Variants in LPA observed in about 807,000 individuals in gnomAD.
The protein encoded by LPA is apolipoprotein(a).
In LPA, 199 loss-of-function variants were observed where a neutral mutation model predicts 197.9. The ratio of observed to expected loss-of-function variants is 1.01; its 90% CI spans 0.90 to 1.13. LPA has a LOEUF of 1.13. Among genes scored for constraint, LPA ranks in the 50% most tolerant of loss-of-function variants. LPA has a pLI of 0.00. For missense variants in LPA, 1,853 were observed against 1,785.8 expected, an observed-to-expected ratio of 1.04 and a Z score of -0.68; for synonymous variants, 715 against 639.5, an observed-to-expected ratio of 1.12 and a Z score of -1.78.
chr6:160,548,431 C>A, intron 31 of LPA, 47 bp downstream of exon 31: 1 of 1,589,162 alleles, frequency 6.3e-7, no homozygotes, highest in Non-Finnish European at 8.6e-7. Context: ...GTTGTCCAAG[C>A]ACATAGAGAG....
chr6:160,546,905 C>T (rs1462733121), intron 32 of LPA, among the ~76,000 whole-genome samples: 1 of 152,192 alleles, frequency 6.6e-6, no homozygotes, highest in East Asian at 1.9e-4. Flanking sequence ...AGGGAAGTCT[C>T]ATGGTGACCT....
chr6:160,581,137 T>C lies in LPA; in HGVS notation c.4290-2433A>G, dbSNP rs544271229. ...AGCGTCACATTTGTTATAGTTTTTT[T>C]CTATGGCTATCCAGTTGTTTCAGAC... On this transcript the variant is annotated intron_variant, in intron 26 of 38. Coordinates refer to ENST00000316300, the MANE Select transcript of LPA (RefSeq NM_005577.4). Among the ~76,000 whole-genome samples, 256 of 152,302 alleles carry C rather than the reference T, an allele frequency of 1.7e-3. 1 individual carries two copies. Among genetic ancestry groups the C allele is most frequent in the African/African-American group, 5.7e-3 (238 of 41,576 alleles).
At chr6:160,663,387 G>A (rs73782415) in intron 1 of LPA, among the ~76,000 whole-genome samples, 1,785 of 152,216 alleles carry the variant, frequency 0.012, 37 homozygotes, top group African/African-American at 0.041. Flanking sequence ...ATTTGGTCAC[G>A]AGACAAATAA....
At position 160,557,454 on chromosome 6, in the gene LPA, T is replaced by G. The variant is rs572818292; in HGVS notation, c.4749A>C (p.Glu1583Asp). The change falls in exon 29 of 39, where the codon GAA (glutamate) becomes GAC (aspartate). Residue 1583 changes from glutamate to aspartate, a missense_variant. Physicochemically the swap from Glu to Asp is conservative, Grantham distance 45. Transcript: ENST00000316300. ...YCNLTQCSET[E>D]SGVLETPTVV... ...CAGTGGGAGTCTCTAGGACACCTGA[T>G]TCTGTTTCTGAGCATTGTGTCAGAT... 1.2e-5 allele frequency: 19 copies of G among 1,614,182 alleles called. No individual in the cohort carries two copies. The highest frequency in any genetic ancestry group is 1.3e-5 in the Non-Finnish European group (15 of 1,180,024).
chr6:160,576,564 A>T (rs1778683047), intron 28 of LPA, among the ~76,000 whole-genome samples: 1 of 145,390 alleles, frequency 6.9e-6, no homozygotes, highest in South Asian at 2.1e-4. Context: ...AAACAATATA[A>T]TTTTTAATGA....
At position 160,610,985 on chromosome 6, in the gene LPA, C is replaced by G. The variant is rs146285881; in HGVS notation, c.2603+577G>C. Among the ~76,000 whole-genome samples the G allele has an allele frequency of 3.3e-5, 5 of 152,274 alleles. No individual in the cohort carries two copies. The East Asian group carries it at 9.7e-4, about 29-fold the overall frequency. Reference sequence around the variant, plus strand: ...CCATCTACCCATCCCTTTTACTTTTCAGCATCCCTCTCTGTGCTGACTCTC... The same window carrying G: ...CCATCTACCCATCCCTTTTACTTTTGAGCATCCCTCTCTGTGCTGACTCTC... On this transcript the variant is annotated intron_variant, in intron 16 of 38. Transcript: ENST00000316300.
rs375076325 is a variant in LPA, at chr6:160,592,128, T to C, written c.3630-1027A>G. 3.5e-4 allele frequency among the ~76,000 whole-genome samples: 54 copies of C among 152,308 alleles called. 1 individual carries two copies. The highest frequency in any genetic ancestry group is 1.5e-3 in the East Asian group (8 of 5,186). On this transcript the variant is annotated intron_variant, in intron 22 of 38. Transcript: ENST00000316300. ...AACTTCTGTCACATTATCTTTTTCC[T>C]CTCTTTCTGTGACTTGCCTAACACA...
rs372597108 is a variant in LPA at position 160,541,158 on chromosome 6, C to A, written c.5543G>T (p.Gly1848Val). 291 of 1,613,998 alleles carry A rather than the reference C, an allele frequency of 1.8e-4. 1 individual carries two copies. Among genetic ancestry groups the A allele is most frequent in the Non-Finnish European group, 9.0e-5 (106 of 1,179,876 alleles). The change falls in exon 35 of 39, where the codon GGC (glycine) becomes GTC (valine). Residue 1848 changes from glycine to valine, a missense_variant. Gly to Val is a moderately radical substitution (Grantham distance 109, BLOSUM62 -3). Around this residue, in one of 3 missense-constraint regions of LPA, gnomAD observed 1,737 missense variants for 1,504.4 expected, o/e 1.15. Coordinates refer to ENST00000316300, the MANE Select transcript of LPA (RefSeq NM_005577.4). ...CACCCACTCTGGGGATATTAAGGTG[C>A]CTCCACAGAAGTGCTTTCCAAACCT... is the stretch of plus-strand genomic sequence containing the variant. Reference protein sequence around the residue: ...RTRFGKHFCGGTLISPEWVLT... With the variant: ...RTRFGKHFCGVTLISPEWVLT...
chr6:160,632,330 TG>T (rs1331725568), intron 8 of LPA, among the ~76,000 whole-genome samples: 1 of 95,570 alleles, frequency 1.0e-5, no homozygotes, highest in Non-Finnish European at 2.0e-5. Flanking sequence ...TTCCTGGTCA[TG>T]GGTCACACGA....
Position 160,537,857 on chromosome 6 carries a change from T to C in LPA, c.5840A>G (p.Gln1947Arg). Reference sequence around the variant, plus strand: ...GTGGGCAATGGAATTGATCTCACCTTGGGTTTCTCCCCAGCCAGTGATGTA... The same window carrying C: ...GTGGGCAATGGAATTGATCTCACCTCGGGTTTCTCCCCAGCCAGTGATGTA... ...ECYITGWGET[Q>R]GTFGTGLLKE... The change falls in exon 37 of 39, where the codon CAA becomes CGA. Residue 1947 changes from glutamine (Q) to arginine (R), a missense_variant and splice_region_variant. Gln to Arg is a conservative substitution (Grantham distance 43). Coordinates refer to ENST00000316300, the MANE Select transcript of LPA (RefSeq NM_005577.4). 4 of 1,613,902 alleles carry C rather than the reference T, an allele frequency of 2.5e-6. No individual in the cohort carries two copies. The highest frequency in any genetic ancestry group is 3.4e-6 in the Non-Finnish European group (4 of 1,179,774).
At position 160,651,357 on chromosome 6, in the gene LPA, T is replaced by C. The variant is rs1177831098; in HGVS notation, c.50-860A>G. ...TGCAGTGACTGCTAAAATCTAATAA[T>C]AGATAGGAACACTGAGAAAATTCTT... On this transcript the variant is annotated intron_variant, in intron 1 of 38. Transcript: ENST00000316300. Among the ~76,000 whole-genome samples, 4 of 152,136 alleles carry C rather than the reference T, an allele frequency of 2.6e-5. No homozygotes were observed. The East Asian group carries it at 7.7e-4, about 29-fold the overall frequency.
At chr6:160,534,048 T>G (rs1398854210) in intron 37 of LPA, among the ~76,000 whole-genome samples, 1 of 152,170 alleles carries the variant, frequency 6.6e-6, no homozygotes, top group Non-Finnish European at 1.5e-5. Context: ...TCTCCTGCTT[T>G]CCCCAAAGCC....
At position 160,635,637 on chromosome 6, in the gene LPA, A is replaced by G; in HGVS notation, c.894-333T>C. On this transcript the variant is annotated intron_variant, in intron 6 of 38. Transcript: ENST00000316300. The stretch of plus-strand genomic sequence containing the variant: ...CCTACCCAATCCATCTCTCTGGAAT[A>G]ACTGGTATGGGTTTTGACGTCTGTA... 1.6e-5 allele frequency among the ~76,000 whole-genome samples: 2 copies of G among 124,530 alleles called. 1 individual carries two copies. Among genetic ancestry groups the G allele is most frequent in the Non-Finnish European group, 3.5e-5 (2 of 57,948 alleles). 81.7% of individuals were successfully genotyped at this position (124,530 alleles called of 152,430 possible). A position where few individuals can be genotyped will look rare whatever the true frequency, so the allele number is the denominator to read the frequency against.
At chr6:160,568,295 C>T (rs947892569) in intron 28 of LPA, among the ~76,000 whole-genome samples, 1 of 152,218 alleles carries the variant, frequency 6.6e-6, no homozygotes, top group African/African-American at 2.4e-5. Flanking sequence ...CCACCATGAT[C>T]AAGTTGGCTT....
At chr6:160,594,241 G>T in intron 21 of LPA, 124 bp from the exon 22 acceptor site, 1 of 1,151,362 alleles carries the variant, frequency 8.7e-7, no homozygotes. Flanking sequence ...TTCTGTACTA[G>T]CAGGCAGATG....
At chr6:160,584,104 G>T (rs575615231) in intron 26 of LPA, among the ~76,000 whole-genome samples, 1 of 151,988 alleles carries the variant, frequency 6.6e-6, no homozygotes, top group Non-Finnish European at 1.5e-5. Flanking sequence ...CAGAAAACTG[G>T]TGCTTAGAAC....
intron 28 of LPA, among the ~76,000 whole-genome samples, chr6:160,576,323 T>C (rs1455389845): frequency 8.2e-5 from 3 of 36,652 alleles, no homozygotes; most frequent in Non-Finnish European, 1.4e-4. Context: ...TGTATGTATG[T>C]GTGTGTGTGT....
chr6:160,547,689 C>T, intron 32 of LPA, 100 bp downstream of exon 32: 1 of 1,530,526 alleles, frequency 6.5e-7, no homozygotes, highest in Non-Finnish European at 9.0e-7. Flanking sequence ...GCTAATTACG[C>T]TTAGCCTCCT....
intron 28 of LPA, among the ~76,000 whole-genome samples, chr6:160,568,100 A>G (rs1005122512): frequency 6.6e-6 from 1 of 152,222 alleles, no homozygotes; most frequent in African/African-American, 2.4e-5. Context: ...AAACTATTCC[A>G]ATCATAGAAA....
Sources: gnomAD v4.1 joint callset for allele counts (sites outside exome capture counted in the v4.1 genomes callset) on GRCh38, gnomAD v4.1.1 for gene constraint, gnomAD v4.1.1 regional missense constraint, MANE v1.5 for transcripts, NCBI Gene and HGNC (gene_info 2026-07-23, HGNC 2026-07-21) for gene names.